Variants in ZC3H12B observed in about 807,000 individuals in gnomAD.
ZC3H12B encodes probable ribonuclease ZC3H12B.
ZC3H12B carries 7 observed loss-of-function variants against 43.9 expected under a neutral mutation model. That is an observed-to-expected ratio of 0.16 (90% CI 0.09 to 0.30). The LOEUF is 0.30. Among genes scored for constraint, ZC3H12B ranks in the 10% least tolerant of loss-of-function variants. The probability of loss-of-function intolerance (pLI) is 1.00; values close to 1 mark genes in which losing one functional copy is unlikely to be tolerated. For missense variants in ZC3H12B, 475 were observed against 670.2 expected (o/e 0.71, Z 3.22); for synonymous variants, 222 against 241.7 (o/e 0.92, Z 0.76).
chrX:65,261,481 A>G, the ZC3H12B span, among the ~76,000 whole-genome samples: 1 of 111,468 alleles, frequency 9.0e-6, no homozygotes, highest in Non-Finnish European at 1.9e-5. Flanking sequence ...CAAAGTATAT[A>G]GACTTTCAGT....
chrX:65,385,740 C>T (rs1365088823), intron 2 of ZC3H12B, among the ~76,000 whole-genome samples: 2 of 111,706 alleles, frequency 1.8e-5, no homozygotes, highest in Non-Finnish European at 3.8e-5. Flanking sequence ...AAAGGGAATG[C>T]TTCCAGTTTT....
At chrX:65,201,173 G>C in the ZC3H12B span, among the ~76,000 whole-genome samples, 1 of 111,302 alleles carries the variant, frequency 9.0e-6, no homozygotes, top group Admixed American at 9.5e-5. Context: ...GTGGTCCTGG[G>C]CTATTTTATT....
the ZC3H12B span, among the ~76,000 whole-genome samples, chrX:65,334,346 C>T: frequency 8.9e-6 from 1 of 111,921 alleles, no homozygotes; most frequent in Non-Finnish European, 1.9e-5. Flanking sequence ...TTGCTGAAAC[C>T]TTCAGCTTTT....
chrX:65,307,460 C>A, the ZC3H12B span, among the ~76,000 whole-genome samples: 4 of 111,534 alleles, frequency 3.6e-5, 1 homozygote, highest in East Asian at 5.6e-4. Flanking sequence ...GGAAAAGGAA[C>A]CTAATGGGAC....
At chrX:65,339,555 A>G in the ZC3H12B span, among the ~76,000 whole-genome samples, 1 of 111,862 alleles carries the variant, frequency 8.9e-6, no homozygotes, top group Non-Finnish European at 1.9e-5. Context: ...AGTGATGCCT[A>G]TCCTCCTAGG....
chrX:65,507,035 A>C (rs1316250518), exon 5 of ZC3H12B: 1 of 111,920 alleles, frequency 8.9e-6, no homozygotes, highest in Non-Finnish European at 1.9e-5. Flanking sequence ...ATTTTGGAAT[A>C]AATTATCTTT....
intron 2 of ZC3H12B, among the ~76,000 whole-genome samples, chrX:65,382,556 C>A (rs755467553): frequency 9.0e-5 from 10 of 111,360 alleles, no homozygotes; most frequent in African/African-American, 2.9e-4. Flanking sequence ...ACAGGTATAC[C>A]CTCTCTCACC....
At chrX:65,487,259 G>A (rs2068136055), upstream of ZC3H12B, among the ~76,000 whole-genome samples, 2 of 112,804 alleles carry the variant, frequency 1.8e-5, no homozygotes, top group African/African-American at 6.4e-5. Flanking sequence ...ACAGAATTGA[G>A]GCAGGGTGTG....
At chrX:65,228,172 A>C in the ZC3H12B span, among the ~76,000 whole-genome samples, 1 of 111,753 alleles carries the variant, frequency 8.9e-6, no homozygotes, top group African/African-American at 3.3e-5. Context: ...ACACATCAAA[A>C]AGCTTATCCA....
chrX:65,175,592 A>G, the ZC3H12B span, among the ~76,000 whole-genome samples: 2 of 111,982 alleles, frequency 1.8e-5, no homozygotes, highest in African/African-American at 6.5e-5. Context: ...AGCTGGCAAG[A>G]TGGCCGAATA....
chrX:65,222,185 A>G, the ZC3H12B span, among the ~76,000 whole-genome samples: 1 of 111,765 alleles, frequency 8.9e-6, no homozygotes, highest in South Asian at 3.7e-4. Context: ...GCAGCAGCAT[A>G]GAAGGGGCAT....
chrX:65,472,396 T>G (rs983846569), intron 3 of ZC3H12B, among the ~76,000 whole-genome samples: 6 of 89,710 alleles, frequency 6.7e-5, no homozygotes, highest in African/African-American at 9.9e-5. Context: ...TTTTTGTTTT[T>G]TTTGTTTGTT....
chrX:65,150,655 A>G, the ZC3H12B span, among the ~76,000 whole-genome samples: 1 of 111,770 alleles, frequency 8.9e-6, no homozygotes, highest in South Asian at 3.7e-4. Context: ...ATGTCCCTGC[A>G]AAGGACATGA....
At chrX:65,421,491 C>T (rs1041468518) in intron 3 of ZC3H12B, among the ~76,000 whole-genome samples, 5 of 112,157 alleles carry the variant, frequency 4.5e-5, no homozygotes, top group African/African-American at 1.6e-4. Flanking sequence ...CTACTTTTAC[C>T]AGGGAAGGAG....
intron 3 of ZC3H12B, among the ~76,000 whole-genome samples, chrX:65,412,144 A>G (rs773441902): frequency 2.2e-4 from 24 of 111,249 alleles, no homozygotes; most frequent in Admixed American, 3.8e-4. Context: ...AGTTTCTTCA[A>G]TTCCCCAATG....
intron 2 of ZC3H12B, among the ~76,000 whole-genome samples, chrX:65,378,597 G>C (rs188345632): frequency 8.9e-6 from 1 of 112,350 alleles, no homozygotes; most frequent in Non-Finnish European, 1.9e-5. Context: ...TGGCAGGAGT[G>C]GGGGAGGAGC....
chrX:65,450,079 G>C (rs2067450042), intron 3 of ZC3H12B, among the ~76,000 whole-genome samples: 1 of 108,590 alleles, frequency 9.2e-6, no homozygotes, highest in African/African-American at 3.4e-5. Flanking sequence ...GGCTGAGGAG[G>C]GTAGATCGTG....
At chrX:65,218,519 G>T in the ZC3H12B span, among the ~76,000 whole-genome samples, 3 of 111,436 alleles carry the variant, frequency 2.7e-5, no homozygotes, top group South Asian at 1.1e-3. Flanking sequence ...GGCTGCATGG[G>T]AGCTGGGTGA....
chrX:65,219,024 G>A, the ZC3H12B span, among the ~76,000 whole-genome samples: 1 of 111,895 alleles, frequency 8.9e-6, no homozygotes, highest in Non-Finnish European at 1.9e-5. Flanking sequence ...TCCAGTAGCA[G>A]CCTGGAGACT....
Sources: gnomAD v4.1 joint callset for allele counts (sites outside exome capture counted in the v4.1 genomes callset) on GRCh38, gnomAD v4.1.1 for gene constraint, MANE v1.5 for transcripts, NCBI Gene and HGNC (gene_info 2026-07-23, HGNC 2026-07-21) for gene names.